Variants in FHIT observed in about 807,000 individuals in gnomAD.
The protein encoded by FHIT is fragile histidine triad diadenosine triphosphatase.
Under a neutral mutation model 17.9 loss-of-function variants are expected in FHIT, and 19 were observed. That is an observed-to-expected ratio of 1.06 (90% CI 0.74 to 1.56). The LOEUF is 1.56. FHIT is among the 40% of genes most tolerant of loss of function. The pLI is 0.00. For synonymous variants in FHIT, 81 were observed against 69.7 expected, an observed-to-expected ratio of 1.16 and a Z score of -0.81; for missense variants, 248 against 189.2, an observed-to-expected ratio of 1.31 and a Z score of -1.82.
chr3:60,957,301 G>C (rs556033334), intron 3 of FHIT, among the ~76,000 whole-genome samples: 1 of 139,482 alleles, frequency 7.2e-6, no homozygotes, highest in African/African-American at 2.7e-5. Flanking sequence ...GCAGTGGCGC[G>C]ATCTCAGCTC....
intron 3 of FHIT, among the ~76,000 whole-genome samples, chr3:60,977,828 G>A (rs13081364): frequency 0.24 from 35,962 of 151,950 alleles, 4,726 homozygotes; most frequent in Middle Eastern, 0.32. Context: ...CCGAGATCTC[G>A]CCATTGCACT....
intron 5 of FHIT, among the ~76,000 whole-genome samples, chr3:60,501,593 A>T (rs906161406): frequency 3.9e-5 from 6 of 152,198 alleles, no homozygotes; most frequent in African/African-American, 9.7e-5. Flanking sequence ...CCTGGCTCCT[A>T]CGCTCAACTT....
At chr3:60,734,963 A>G (rs554954504) in intron 4 of FHIT, among the ~76,000 whole-genome samples, 13 of 152,200 alleles carry the variant, frequency 8.5e-5, no homozygotes, top group Non-Finnish European at 1.2e-4. Flanking sequence ...CATTTCTCAG[A>G]CTCTGAACCA....
intron 2 of FHIT, among the ~76,000 whole-genome samples, chr3:61,128,262 G>A (rs1053367630): frequency 2.0e-5 from 3 of 152,298 alleles, no homozygotes; most frequent in African/African-American, 7.2e-5. Flanking sequence ...TGCAAGGCCA[G>A]GGAATAAATG....
intron 5 of FHIT, among the ~76,000 whole-genome samples, chr3:60,528,428 A>C (rs1254982212): frequency 7.7e-6 from 1 of 129,900 alleles, no homozygotes; most frequent in East Asian, 2.8e-4. Context: ...AAAGAAAGGA[A>C]GGAAGGAAAA....
At chr3:60,330,611 A>C (rs535417288) in intron 5 of FHIT, among the ~76,000 whole-genome samples, 2 of 152,280 alleles carry the variant, frequency 1.3e-5, no homozygotes, top group East Asian at 3.9e-4. Context: ...AAAAGCTCTA[A>C]AACACCAAAC....
At chr3:60,245,368 G>T (rs952155827) in intron 5 of FHIT, among the ~76,000 whole-genome samples, 1 of 151,928 alleles carries the variant, frequency 6.6e-6, no homozygotes, top group South Asian at 2.1e-4. Context: ...TTATAAGGAG[G>T]CTAGAAATGT....
chr3:60,064,218 C>A (rs913753699), intron 5 of FHIT, among the ~76,000 whole-genome samples: 12 of 152,162 alleles, frequency 7.9e-5, no homozygotes, highest in African/African-American at 2.6e-4. Flanking sequence ...ATTAATGAAA[C>A]ATAAAAGTAA....
At chr3:60,960,277 T>C (rs1305098126) in intron 3 of FHIT, among the ~76,000 whole-genome samples, 3 of 152,242 alleles carry the variant, frequency 2.0e-5, no homozygotes, top group East Asian at 1.9e-4. Context: ...TCTCTTTCTT[T>C]TTTGTTGTGT....
intron 5 of FHIT, among the ~76,000 whole-genome samples, chr3:60,416,821 T>C (rs1702263897): frequency 6.6e-6 from 1 of 152,124 alleles, no homozygotes; most frequent in Non-Finnish European, 1.5e-5. Flanking sequence ...GTGCGGCAGC[T>C]GATGCCTGTA....
chr3:60,308,065 A>G (rs1708765343), intron 5 of FHIT, among the ~76,000 whole-genome samples: 1 of 152,178 alleles, frequency 6.6e-6, no homozygotes, highest in Admixed American at 6.5e-5. Context: ...AAAACAACGG[A>G]CAGTAATCGT....
At chr3:60,590,904 T>A (rs910662298) in intron 4 of FHIT, among the ~76,000 whole-genome samples, 1 of 151,962 alleles carries the variant, frequency 6.6e-6, no homozygotes, top group Non-Finnish European at 1.5e-5. Context: ...CAGGGAAGGC[T>A]TCCAGGAGGA....
intron 1 of FHIT, among the ~76,000 whole-genome samples, chr3:61,207,401 C>A (rs1056425250): frequency 6.6e-6 from 1 of 152,156 alleles, no homozygotes; most frequent in African/African-American, 2.4e-5. Context: ...CTGGTACCAG[C>A]TCCTCCTTGT....
intron 5 of FHIT, among the ~76,000 whole-genome samples, chr3:60,365,813 A>C (rs1700084313): frequency 6.6e-6 from 1 of 152,192 alleles, no homozygotes; most frequent in Non-Finnish European, 1.5e-5. Context: ...AACTTTAGTT[A>C]GCTCTCAATT....
intron 2 of FHIT, among the ~76,000 whole-genome samples, chr3:61,112,151 A>G (rs991637908): frequency 2.6e-5 from 4 of 152,180 alleles, no homozygotes; most frequent in African/African-American, 9.7e-5. Flanking sequence ...AGCAGTATAT[A>G]TTATGCAGTA....
intron 6 of FHIT, among the ~76,000 whole-genome samples, chr3:60,011,680 A>G (rs1700146094): frequency 6.6e-6 from 1 of 152,214 alleles, no homozygotes; most frequent in Admixed American, 6.5e-5. Context: ...TTTTAATTGC[A>G]TTAAAGGAAG....
intron 8 of FHIT, among the ~76,000 whole-genome samples, chr3:59,901,529 A>G (rs1166379649): frequency 6.6e-6 from 1 of 152,214 alleles, no homozygotes; most frequent in Non-Finnish European, 1.5e-5. Flanking sequence ...AAGATGCTCA[A>G]TATTAGCTAT....
chr3:60,262,500 C>A (rs973801696), intron 5 of FHIT, among the ~76,000 whole-genome samples: 2 of 151,950 alleles, frequency 1.3e-5, no homozygotes, highest in Non-Finnish European at 2.9e-5. Flanking sequence ...GAGAACTACC[C>A]TTCCCCAAAT....
intron 2 of FHIT, among the ~76,000 whole-genome samples, chr3:61,067,196 G>T (rs1056426297): frequency 2.0e-5 from 3 of 152,142 alleles, no homozygotes; most frequent in African/African-American, 7.2e-5. Context: ...CCAGAAAGTT[G>T]CTCATAAAGT....
Sources: allele counts gnomAD v4.1 joint callset (sites outside exome capture counted in the v4.1 genomes callset), GRCh38; gene constraint gnomAD v4.1.1; transcripts MANE v1.5; gene names NCBI Gene and HGNC (gene_info 2026-07-23, HGNC 2026-07-21).